The following CREBRF variants were observed in gnomAD, a reference collection of about 807,000 sequenced individuals.
CREBRF encodes CREB3 regulatory factor.
A neutral mutation model predicts 66.1 loss-of-function variants in CREBRF; 5 were observed. That is an observed-to-expected ratio of 0.08 (90% CI 0.04 to 0.16). The LOEUF is 0.16. Among genes scored for constraint, CREBRF ranks in the 10% least tolerant of loss-of-function variants. The pLI, the probability that CREBRF is intolerant of heterozygous loss-of-function variation, is 1.00. For missense variants in CREBRF, 531 were observed against 744.9 expected (o/e 0.71, Z 3.34); for synonymous variants, 229 against 264.4 (o/e 0.87, Z 1.30).
intron 1 of CREBRF, among the ~76,000 whole-genome samples, chr5:173,067,279 A>G (rs1201316707): frequency 6.6e-6 from 1 of 152,204 alleles, no homozygotes; most frequent in Non-Finnish European, 1.5e-5. Context: ...TTTAACATTC[A>G]TTACATTTTA....
rs368138292 is a variant in CREBRF at position 173,131,621 on chromosome 5, A to G, written c.1805-2009A>G. Among the ~76,000 whole-genome samples the G allele has an allele frequency of 2.8e-4, 43 of 152,284 alleles. No individual in the cohort carries two copies. In the East Asian group the frequency reaches 5.4e-3, roughly 19 times the overall value. ...CAACCTTTTCATTCCATCAGTCAAGAGGCACATAATATCAGATTGTCTCAT... is the reference window on the plus strand; with the variant it reads ...CAACCTTTTCATTCCATCAGTCAAGGGGCACATAATATCAGATTGTCTCAT... On this transcript the variant is annotated intron_variant, in intron 8 of 8. Coordinates refer to ENST00000296953, the MANE Select transcript of CREBRF (RefSeq NM_153607.3).
At position 173,078,480 on chromosome 5, in the gene CREBRF, TAATA is replaced by T. The variant is rs1469806161; in HGVS notation, c.-191-2100_-191-2097del. Among the ~76,000 whole-genome samples, 14 of 150,924 alleles carry T rather than the reference TAATA, an allele frequency of 9.3e-5. 1 individual carries two copies. In the East Asian group the frequency reaches 2.5e-3, roughly 27 times the overall value. ...TTATGTATTTATTATTATTAATGTATAATAAATATATATTTATTATTCGTAAAAT... is the reference window on the plus strand; with the variant it reads ...TTATGTATTTATTATTATTAATGTATAATATATATTTATTATTCGTAAAAT... On this transcript the variant is annotated intron_variant, in intron 1 of 8. Coordinates refer to ENST00000296953, the MANE Select transcript of CREBRF (RefSeq NM_153607.3).
At chr5:173,072,884 A>G (rs1757639519) in intron 1 of CREBRF, among the ~76,000 whole-genome samples, 1 of 152,198 alleles carries the variant, frequency 6.6e-6, no homozygotes, top group Admixed American at 6.5e-5. Context: ...AGTACAAGGT[A>G]AGTGATCTGT....
chr5:173,093,489 C>G (rs1056755615), intron 4 of CREBRF, among the ~76,000 whole-genome samples: 1 of 152,148 alleles, frequency 6.6e-6, no homozygotes, highest in Non-Finnish European at 1.5e-5. Flanking sequence ...AAGATCTACT[C>G]TCTTAACAAA....
intron 4 of CREBRF, among the ~76,000 whole-genome samples, chr5:173,105,732 G>C (rs1758732961): frequency 1.3e-5 from 2 of 151,990 alleles, no homozygotes; most frequent in Admixed American, 6.6e-5. Context: ...CCAAAGTGCT[G>C]GGATTACAGG....
intron 2 of CREBRF, among the ~76,000 whole-genome samples, chr5:173,082,009 T>TTTTTGTTTTTTTTTTTTTGTTTG (rs1757963590): frequency 2.3e-5 from 1 of 44,008 alleles, no homozygotes; most frequent in Non-Finnish European, 6.4e-5. Context: ...TTTAGTTTTT[T>TTTTTGTTTTTTTTTTTTTGTTTG]TTTTTTTTTT....
At chr5:173,120,796 C>T (rs761181196) in intron 7 of CREBRF, among the ~76,000 whole-genome samples, 39 of 140,078 alleles carry the variant, frequency 2.8e-4, no homozygotes, top group South Asian at 1.1e-3. Context: ...CAGCTTCAAG[C>T]GATTTTCTTG....
At position 173,080,616 on chromosome 5, in the gene CREBRF, G is replaced by A. The variant is rs1007605972; in HGVS notation, c.-160G>A. The A allele has an allele frequency of 2.9e-5, 18 of 628,386 alleles. No homozygotes were observed. The African/African-American group carries it at 3.3e-4, about 12-fold the overall frequency. 38.9% of individuals were successfully genotyped at this position (628,386 alleles called of 1,614,324 possible). A position where few individuals can be genotyped will look rare whatever the true frequency, so the allele number is the denominator to read the frequency against. On this transcript the variant is annotated 5_prime_UTR_variant, in exon 2 of 9. Transcript: ENST00000296953. ...TCGCACAGAATTATTTTAAAAAAAA[G>A]CAGTGATCCAAGCAATTGAATTGGA... is the stretch of plus-strand genomic sequence containing the variant.
intron 6 of CREBRF, among the ~76,000 whole-genome samples, chr5:173,111,008 A>G (rs1403222438): frequency 6.6e-6 from 1 of 152,156 alleles, no homozygotes; most frequent in East Asian, 1.9e-4. Context: ...ATTGAGCTAT[A>G]ACTTATAGTA....
At chr5:173,093,314 T>G (rs1165389499) in intron 4 of CREBRF, among the ~76,000 whole-genome samples, 1 of 152,214 alleles carries the variant, frequency 6.6e-6, no homozygotes, top group African/African-American at 2.4e-5. Context: ...TGCTTTTCTT[T>G]GACTTTTTCC....
chr5:173,062,851 C>T (rs577284858), intron 1 of CREBRF, among the ~76,000 whole-genome samples: 1 of 150,622 alleles, frequency 6.6e-6, no homozygotes, highest in Non-Finnish European at 1.5e-5. Flanking sequence ...GGGTTCACGC[C>T]ATTCTCCTGC....
At chr5:173,102,758 GA>G (rs1758657073) in intron 4 of CREBRF, among the ~76,000 whole-genome samples, 1 of 152,094 alleles carries the variant, frequency 6.6e-6, no homozygotes, top group Non-Finnish European at 1.5e-5. Flanking sequence ...TGTGAGCCTG[GA>G]GTCCAGGACT....
intron 6 of CREBRF, 129 bp downstream of exon 6, chr5:173,110,840 A>G (rs766093929): frequency 9.0e-6 from 6 of 666,168 alleles, no homozygotes; most frequent in African/African-American, 1.8e-5. Context: ...TGAGAATATT[A>G]TAATTTTTCT....
At position 173,087,329 on chromosome 5, in the gene CREBRF, C is replaced by T. The variant is rs551761644; in HGVS notation, c.135+703C>T. Among the ~76,000 whole-genome samples the T allele has an allele frequency of 1.0e-3, 157 of 152,056 alleles. 2 individuals carry two copies. In the South Asian group the frequency reaches 0.015, roughly 14 times the overall value. ...AGCTCCCGACCTCAGGTGATCTGCC[C>T]GCCTCGGCTTCCCAAAATGCTGGGA... On this transcript the variant is annotated intron_variant, in intron 3 of 8. Transcript: ENST00000296953.
chr5:173,100,078 T>TTGTGTGTGTG (rs749558283), intron 4 of CREBRF, among the ~76,000 whole-genome samples: 1,924 of 68,792 alleles, frequency 0.028, 32 homozygotes, highest in East Asian at 0.056. Context: ...GGCTAATCTT[T>TTGTGTGTGTG]TGTGTGTGTG....
At chr5:173,073,104 T>C (rs185208017) in intron 1 of CREBRF, among the ~76,000 whole-genome samples, 2 of 152,218 alleles carry the variant, frequency 1.3e-5, no homozygotes, top group Admixed American at 1.3e-4. Flanking sequence ...ATGATAGAGC[T>C]CACGCATGCA....
At chr5:173,106,246 G>GGT (rs1175365738) in intron 4 of CREBRF, among the ~76,000 whole-genome samples, 4 of 151,714 alleles carry the variant, frequency 2.6e-5, no homozygotes, top group Admixed American at 2.6e-4. Context: ...TGGCTAACAT[G>GGT]GTGAAACCCT....
chr5:173,078,222 T>A (rs995502582), intron 1 of CREBRF, among the ~76,000 whole-genome samples: 4 of 152,240 alleles, frequency 2.6e-5, no homozygotes, highest in Non-Finnish European at 5.9e-5. Context: ...TATTTGTTAT[T>A]TTCCACTTTT....
chr5:173,131,279 C>T (rs1759417627), intron 8 of CREBRF, among the ~76,000 whole-genome samples: 1 of 152,192 alleles, frequency 6.6e-6, no homozygotes, highest in African/African-American at 2.4e-5. Flanking sequence ...TGCTTGAAAA[C>T]AAGGACATTC....
Sources: allele counts gnomAD v4.1 joint callset (sites outside exome capture counted in the v4.1 genomes callset), GRCh38; gene constraint gnomAD v4.1.1; transcripts MANE v1.5; gene names NCBI Gene and HGNC (gene_info 2026-07-23, HGNC 2026-07-21).